Variants in RPTOR observed in about 807,000 individuals in gnomAD.
RPTOR encodes regulatory associated protein of MTOR complex 1, also known as regulatory-associated protein of mTOR.
In RPTOR, 21 loss-of-function variants were observed where a neutral mutation model predicts 169.9. The observed-to-expected ratio is 0.12, with a 90% CI of 0.09 to 0.18. The LOEUF (loss-of-function observed/expected upper bound fraction) is 0.18. RPTOR is among the 10% of genes least tolerant of loss of function. The pLI is 1.00. For synonymous variants in RPTOR, 732 were observed against 753.2 expected, an observed-to-expected ratio of 0.97 and a Z score of 0.46; for missense variants, 1,133 against 1,855.9, an observed-to-expected ratio of 0.61 and a Z score of 7.16.
intron 25 of RPTOR, among the ~76,000 whole-genome samples, chr17:80,945,407 A>ACGGTGAAACCCCATCT (rs1568002997): frequency 6.6e-6 from 1 of 152,086 alleles, no homozygotes; most frequent in Non-Finnish European, 1.5e-5. Context: ...CCTGTCTAAC[A>ACGGTGAAACCCCATCT]CGGTGAAACC....
In RPTOR at chr17:80,743,983, T is replaced by TACTAGCACAGC. The variant is rs2066526488; in HGVS notation, c.655-10027_655-10026insACTAGCACAGC. ...AGCACAGCCCTGGCTACTAGCACTG[T>TACTAGCACAGC]CCTGGTTATGAGCACAGCCCTGGTT... is the stretch of plus-strand genomic sequence containing the variant. On this transcript the variant is annotated intron_variant, in intron 5 of 33. Transcript: ENST00000306801. 8.4e-4 allele frequency among the ~76,000 whole-genome samples: 2 copies of TACTAGCACAGC among 2,384 alleles called. 1 individual carries two copies. The highest frequency in any genetic ancestry group is 0.011 in the Admixed American group (2 of 180). 1.6% of individuals were successfully genotyped at this position (2,384 alleles called of 152,430 possible). A position where few individuals can be genotyped will look rare whatever the true frequency, so the allele number is the denominator to read the frequency against.
At chr17:80,828,467 C>T (rs946581621) in intron 9 of RPTOR, among the ~76,000 whole-genome samples, 2 of 152,234 alleles carry the variant, frequency 1.3e-5, no homozygotes, top group African/African-American at 4.8e-5. Context: ...TTGGTGACTC[C>T]CACGCTTCGA....
At chr17:80,666,089 A>T (rs2065776858) in intron 3 of RPTOR, among the ~76,000 whole-genome samples, 1 of 152,158 alleles carries the variant, frequency 6.6e-6, no homozygotes, top group Non-Finnish European at 1.5e-5. Context: ...TCAAAGAGCT[A>T]TACTTTCGAT....
At chr17:80,841,748 G>A (rs567266989) in intron 10 of RPTOR, among the ~76,000 whole-genome samples, 1,471 of 103,418 alleles carry the variant, frequency 0.014, 36 homozygotes, top group Non-Finnish European at 0.02. Flanking sequence ...CACTCTCCCC[G>A]CACGGCAGCT....
intron 1 of RPTOR, among the ~76,000 whole-genome samples, chr17:80,584,645 G>A (rs1256533741): frequency 1.3e-5 from 2 of 152,158 alleles, no homozygotes; most frequent in East Asian, 3.9e-4. Context: ...TTCCCCTTTT[G>A]ACTTCTTTGG....
At chr17:80,842,976 G>C (rs1487119792) in intron 10 of RPTOR, among the ~76,000 whole-genome samples, 1 of 152,184 alleles carries the variant, frequency 6.6e-6, no homozygotes, top group Non-Finnish European at 1.5e-5. Flanking sequence ...CTTTGCACCA[G>C]GACCACACAG....
intron 13 of RPTOR, among the ~76,000 whole-genome samples, chr17:80,873,955 A>T (rs1196730881): frequency 6.6e-6 from 1 of 152,172 alleles, no homozygotes; most frequent in Admixed American, 6.5e-5. Flanking sequence ...TCAGCCCCGG[A>T]CTGAGCAGCG....
chr17:80,858,860 A>G (rs753950184), intron 13 of RPTOR, among the ~76,000 whole-genome samples: 8 of 152,248 alleles, frequency 5.3e-5, no homozygotes, highest in Non-Finnish European at 1.2e-4. Context: ...CGGTAGACAC[A>G]GTTGAACTTC....
chr17:80,853,270 C>T (rs1474364537), intron 11 of RPTOR, among the ~76,000 whole-genome samples: 2 of 152,224 alleles, frequency 1.3e-5, no homozygotes, highest in African/African-American at 4.8e-5. Context: ...CCCGTGCATC[C>T]TCAGACACCC....
At chr17:80,664,469 C>T (rs1416299716) in intron 3 of RPTOR, among the ~76,000 whole-genome samples, 4 of 152,146 alleles carry the variant, frequency 2.6e-5, no homozygotes, top group African/African-American at 7.2e-5. Context: ...TCGCTCCCTG[C>T]GCCTGCCCCC....
intron 1 of RPTOR, among the ~76,000 whole-genome samples, chr17:80,552,564 A>G (rs1160035832): frequency 1.3e-5 from 2 of 152,226 alleles, no homozygotes; most frequent in African/African-American, 2.4e-5. Context: ...GCTAGTCCAT[A>G]GGGCAGTGCT....
chr17:80,904,112 G>T (rs1881327812), intron 20 of RPTOR, among the ~76,000 whole-genome samples: 1 of 152,212 alleles, frequency 6.6e-6, no homozygotes, highest in African/African-American at 2.4e-5. Context: ...CCTGTGGGCA[G>T]CTGCAGGGCC....
At chr17:80,964,197 C>G in intron 33 of RPTOR, 65 bp from the exon 34 acceptor site, 2 of 1,117,318 alleles carry the variant, frequency 1.8e-6, no homozygotes, top group Non-Finnish European at 2.6e-6. Context: ...TGGCCTGCGC[C>G]CCCCCGCCCC....
intron 9 of RPTOR, among the ~76,000 whole-genome samples, chr17:80,836,641 C>T (rs967501966): frequency 6.6e-6 from 1 of 152,132 alleles, no homozygotes; most frequent in Non-Finnish European, 1.5e-5. Flanking sequence ...AAGGCCAGAG[C>T]CACAGAAAGG....
intron 5 of RPTOR, among the ~76,000 whole-genome samples, chr17:80,748,133 G>A (rs1451485679): frequency 1.1e-4 from 13 of 118,204 alleles, no homozygotes; most frequent in African/African-American, 4.3e-4. Context: ...GAGGGACTGC[G>A]GTGTGTGTTT....
In RPTOR at chr17:80,922,830, A is replaced by G; in HGVS notation, c.2624+3A>G. On this transcript the variant is annotated splice_donor_region_variant and intron_variant, in intron 22 of 33. Transcript: ENST00000306801. Reference sequence around the variant, plus strand: ...GGCGTGCACATCCACCAGGCGGGGTAAGTGCCGCCCGCTCAGCCTGCAGGT... The same window carrying G: ...GGCGTGCACATCCACCAGGCGGGGTGAGTGCCGCCCGCTCAGCCTGCAGGT... 2 of 1,557,016 alleles carry G rather than the reference A, an allele frequency of 1.3e-6. No individual in the cohort carries two copies. The highest frequency in any genetic ancestry group is 1.7e-6 in the Non-Finnish European group (2 of 1,156,896).
intron 1 of RPTOR, among the ~76,000 whole-genome samples, chr17:80,572,505 G>A (rs951238066): frequency 6.6e-6 from 1 of 152,002 alleles, no homozygotes; most frequent in African/African-American, 2.4e-5. Flanking sequence ...TTTTGAATAT[G>A]TATTATAAAT....
chr17:80,598,882 T>TCTA (rs2065164189), intron 1 of RPTOR, among the ~76,000 whole-genome samples: 40 of 146,872 alleles, frequency 2.7e-4, no homozygotes, highest in African/African-American at 4.3e-4. Context: ...TCTTGATTCT[T>TCTA]TCTATCTATC....
At chr17:80,603,145 T>G (rs1567815572) in intron 1 of RPTOR, among the ~76,000 whole-genome samples, 2 of 152,358 alleles carry the variant, frequency 1.3e-5, no homozygotes, top group Admixed American at 1.3e-4. Flanking sequence ...AACATCTTTA[T>G]CAATAAGATT....
Sources: gnomAD v4.1 joint callset for allele counts (sites outside exome capture counted in the v4.1 genomes callset) on GRCh38, gnomAD v4.1.1 for gene constraint, MANE v1.5 for transcripts, NCBI Gene and HGNC (gene_info 2026-07-23, HGNC 2026-07-21) for gene names.